Variants in MYOM2 observed in about 807,000 individuals in gnomAD.
The protein encoded by MYOM2 is myomesin 2.
MYOM2 carries 254 observed loss-of-function variants against 187.6 expected under a neutral mutation model. The observed-to-expected ratio is 1.35, with a 90% CI of 1.22 to 1.50. The LOEUF (loss-of-function observed/expected upper bound fraction) is 1.50. Ranked by LOEUF, MYOM2 falls within the 40% of genes most tolerant of loss-of-function variation. MYOM2 has a pLI of 0.00. For missense variants in MYOM2, 2,796 were observed against 1,924.0 expected (o/e 1.45, Z -8.48); for synonymous variants, 981 against 753.8 (o/e 1.30, Z -4.94).
At chr8:2,128,296 T>G (rs1400651611) in intron 31 of MYOM2, among the ~76,000 whole-genome samples, 1 of 152,160 alleles carries the variant, frequency 6.6e-6, no homozygotes, top group East Asian at 1.9e-4. Context: ...AATATAAATT[T>G]CAAGTTGCTT....
intron 14 of MYOM2, among the ~76,000 whole-genome samples, chr8:2,088,106 A>G (rs1365324480): frequency 6.6e-6 from 1 of 151,834 alleles, no homozygotes; most frequent in East Asian, 1.9e-4. Context: ...TGGTTACATG[A>G]GTAAGCTCTT....
intron 31 of MYOM2, among the ~76,000 whole-genome samples, chr8:2,125,304 T>C (rs1797598157): frequency 2.0e-5 from 3 of 152,214 alleles, no homozygotes; most frequent in Non-Finnish European, 2.9e-5. Context: ...CTCTTCTGCA[T>C]GTGGATATTC....
At chr8:2,082,108 T>G (rs1403185329) in intron 13 of MYOM2, 1 of 152,202 alleles carries the variant, frequency 6.6e-6, no homozygotes, top group African/African-American at 2.4e-5. Flanking sequence ...AGGCTCAGCC[T>G]CCCCGGCTTC....
chr8:2,046,236 C>T (rs902407433), intron 1 of MYOM2, among the ~76,000 whole-genome samples: 1 of 152,240 alleles, frequency 6.6e-6, no homozygotes, highest in Non-Finnish European at 1.5e-5. Context: ...TAAAACCCAT[C>T]CTGGTGACAT....
At chr8:2,133,799 AC>A (rs1797958855) in intron 32 of MYOM2, among the ~76,000 whole-genome samples, 1 of 151,978 alleles carries the variant, frequency 6.6e-6, no homozygotes, top group Non-Finnish European at 1.5e-5. Flanking sequence ...TTAGATTTTT[AC>A]ACTTGTGTTA....
intron 19 of MYOM2, among the ~76,000 whole-genome samples, chr8:2,100,220 CCTACCTTT>C: frequency 6.6e-6 from 1 of 151,134 alleles, no homozygotes; most frequent in African/African-American, 2.4e-5. Context: ...TTCCTGCCTT[CCTACCTTT>C]CTTCTTTTAA....
intron 14 of MYOM2, among the ~76,000 whole-genome samples, chr8:2,086,789 A>G (rs190433836): frequency 2.2e-4 from 33 of 152,324 alleles, no homozygotes; most frequent in African/African-American, 7.7e-4. Context: ...TTCCTGCTGC[A>G]ACATTCCAGG....
In MYOM2 at chr8:2,094,068, T is replaced by G; in HGVS notation, c.2102T>G (p.Val701Gly). The change falls in exon 17 of 37, where the codon GTC (valine) becomes GGC (glycine). Residue 701 changes from valine (V) to glycine (G), a missense_variant. By Grantham distance (109) the Val-to-Gly change is moderately radical. Coordinates refer to ENST00000262113, the MANE Select transcript of MYOM2 (RefSeq NM_003970.4). ...AGTGAAAATTCCCAGGAATCAGACG[T>G]CATAAAAGTGCAGGCCGCACTCAGT... ...GMSENSQESD[V>G]IKVQAALTVP... 6.2e-7 allele frequency: 1 copy of G among 1,614,102 alleles called. No individual in the cohort carries two copies. The highest frequency in any genetic ancestry group is 8.5e-7 in the Non-Finnish European group (1 of 1,180,020).
chr8:2,061,725 T>C (rs1400650304), intron 6 of MYOM2, among the ~76,000 whole-genome samples: 1 of 152,218 alleles, frequency 6.6e-6, no homozygotes. Context: ...TGAAAGGCAA[T>C]AATTGAGATT....
chr8:2,081,502 G>C (rs189329543), intron 13 of MYOM2, among the ~76,000 whole-genome samples: 4 of 152,252 alleles, frequency 2.6e-5, no homozygotes, highest in African/African-American at 7.2e-5. Context: ...GAGGAGGTGG[G>C]CAGCCCGGAT....
At chr8:2,067,652 A>G (rs1819061456) in intron 6 of MYOM2, among the ~76,000 whole-genome samples, 1 of 152,122 alleles carries the variant, frequency 6.6e-6, no homozygotes, top group Admixed American at 6.5e-5. Context: ...AGCCAAGAAG[A>G]GAAGTTTTAG....
chr8:2,125,774 A>AT (rs1797615088), intron 31 of MYOM2, among the ~76,000 whole-genome samples: 1 of 150,776 alleles, frequency 6.6e-6, no homozygotes, highest in South Asian at 2.1e-4. Flanking sequence ...CACCCAGCTA[A>AT]TTTTTTTGCA....
intron 25 of MYOM2, among the ~76,000 whole-genome samples, chr8:2,110,881 G>C (rs1051364255): frequency 1.3e-5 from 2 of 152,174 alleles, no homozygotes; most frequent in African/African-American, 4.8e-5. Flanking sequence ...TCTCCAGTCA[G>C]TCTTTCCCAT....
At chr8:2,124,692 G>T (rs912876272) in intron 31 of MYOM2, among the ~76,000 whole-genome samples, 1 of 152,112 alleles carries the variant, frequency 6.6e-6, no homozygotes, top group African/African-American at 2.4e-5. Flanking sequence ...TTTCTATAGT[G>T]GCTATATTAA....
At chr8:2,112,645 G>C (rs536562589) in intron 25 of MYOM2, among the ~76,000 whole-genome samples, 17 of 152,152 alleles carry the variant, frequency 1.1e-4, no homozygotes, top group Non-Finnish European at 2.4e-4. Flanking sequence ...AACACAGAGA[G>C]AGAAACTGAA....
chr8:2,110,351 C>T (rs1360164911), intron 25 of MYOM2, among the ~76,000 whole-genome samples: 1 of 152,188 alleles, frequency 6.6e-6, no homozygotes, highest in Admixed American at 6.5e-5. Context: ...GGCACATGCT[C>T]TGTCACGGTC....
chr8:2,119,619 G>A lies in MYOM2; in HGVS notation c.3453+1667G>A, dbSNP rs80191772. Among the ~76,000 whole-genome samples, 27 of 152,284 alleles carry A rather than the reference G, an allele frequency of 1.8e-4. No homozygotes were observed. The East Asian group carries it at 3.5e-3, about 20-fold the overall frequency. The stretch of plus-strand genomic sequence containing the variant: ...CAAGGGGGGATACGAGCAGGAGCCC[G>A]CTGCCCTCTGAGGTGCTCAGCTGGC... On this transcript the variant is annotated intron_variant, in intron 28 of 36. Coordinates refer to ENST00000262113, the MANE Select transcript of MYOM2 (RefSeq NM_003970.4).
At position 2,116,267 on chromosome 8, in the gene MYOM2, G is replaced by A. The variant is rs1797241308; in HGVS notation, c.3377G>A (p.Arg1126Lys). 1 of 1,612,806 alleles carries A rather than the reference G, an allele frequency of 6.2e-7. No homozygotes were observed. Among genetic ancestry groups the A allele is most frequent in the Non-Finnish European group, 8.5e-7 (1 of 1,179,382 alleles). Reference protein sequence around the residue: ...EAEFQRKEFLRKQGPHFAEYL... With the variant: ...EAEFQRKEFLKKQGPHFAEYL... ...GAGTTTCAAAGGAAAGAATTTCTCA[G>A]GAAACAAGGTGAGTTTCCTCACTCT... Residue 1126 changes from arginine (R) to lysine (K), a missense_variant, in exon 27 of 37, where the codon AGG (arginine) becomes AAG (lysine). By Grantham distance (26) the Arg-to-Lys change is conservative. Transcript: ENST00000262113.
chr8:2,074,984 C>T (rs775241691), intron 10 of MYOM2, among the ~76,000 whole-genome samples: 30 of 152,272 alleles, frequency 2.0e-4, no homozygotes, highest in Non-Finnish European at 3.1e-4. Flanking sequence ...CCCAAGTTCT[C>T]ACCTTCCCAC....
Sources: gnomAD v4.1 joint callset for allele counts (sites outside exome capture counted in the v4.1 genomes callset) on GRCh38, gnomAD v4.1.1 for gene constraint, MANE v1.5 for transcripts, NCBI Gene and HGNC (gene_info 2026-07-23, HGNC 2026-07-21) for gene names.